The following NUP160 variants were observed in gnomAD, a reference collection of about 807,000 sequenced individuals.
NUP160 encodes the protein nucleoporin 160, also known as nuclear pore complex protein Nup160.
In NUP160, 94 loss-of-function variants were observed where a neutral mutation model predicts 196.9. The observed-to-expected ratio is 0.48, with a 90% confidence interval of 0.40 to 0.57. The LOEUF (loss-of-function observed/expected upper bound fraction) is 0.57. Ranked by LOEUF, NUP160 falls within the 20% of genes least tolerant of loss-of-function variation. NUP160 has a pLI of 0.00. For synonymous variants in NUP160, 605 were observed against 619.7 expected, an observed-to-expected ratio of 0.98 and a Z score of 0.35; for missense variants, 1,638 against 1,748.3, an observed-to-expected ratio of 0.94 and a Z score of 1.13.
chr11:47,807,491 C>T (rs147983324), intron 18 of NUP160, among the ~76,000 whole-genome samples: 290 of 151,986 alleles, frequency 1.9e-3, no homozygotes, highest in South Asian at 3.8e-3. Context: ...CATGGTGAAA[C>T]GCCACCTCTA....
At chr11:47,830,889 C>G (rs991663497) in intron 7 of NUP160, among the ~76,000 whole-genome samples, 1 of 151,846 alleles carries the variant, frequency 6.6e-6, no homozygotes, top group Non-Finnish European at 1.5e-5. Flanking sequence ...AGCAGCCGAG[C>G]GTGGTGGCTC....
intron 13 of NUP160, 124 bp from the exon 14 acceptor site, chr11:47,813,539 G>A (rs1427343199): frequency 3.2e-6 from 2 of 628,832 alleles, no homozygotes; most frequent in Admixed American, 2.5e-5. Flanking sequence ...AATAATAGGT[G>A]TAAGTCTTGG....
chr11:47,833,646 A>T (rs545627677), intron 7 of NUP160, among the ~76,000 whole-genome samples: 1 of 152,298 alleles, frequency 6.6e-6, no homozygotes, highest in Admixed American at 6.5e-5. Flanking sequence ...AATATCATCA[A>T]TGATAATAGT....
At chr11:47,808,959 G>A (rs1565196357) in intron 17 of NUP160, among the ~76,000 whole-genome samples, 1 of 152,036 alleles carries the variant, frequency 6.6e-6, no homozygotes, top group Admixed American at 6.6e-5. Context: ...AAATTAGCCA[G>A]GCATGGTGGT....
chr11:47,827,332 C>CCAA (rs1274458232), intron 7 of NUP160: 2 of 319,052 alleles, frequency 6.3e-6, no homozygotes, highest in African/African-American at 4.5e-5. Context: ...CCACTGCACT[C>CCAA]CAACTTGGGT....
intron 35 of NUP160, 57 bp downstream of exon 35, chr11:47,780,286 G>A: frequency 4.3e-6 from 5 of 1,160,062 alleles, no homozygotes; most frequent in South Asian, 3.7e-5. Flanking sequence ...CAAGCTGTAA[G>A]GTGTAACTGC....
exon 13 of NUP160, chr11:47,815,567 G>A (rs1343610964): frequency 6.2e-7 from 1 of 1,613,234 alleles, no homozygotes; most frequent in Non-Finnish European, 8.5e-7. Flanking sequence ...AAGACAACAG[G>A]CATAGAACTT....
rs551485433 is a variant in NUP160, at chr11:47,811,419, G to T, written c.2241+645C>A. 3.8e-4 allele frequency among the ~76,000 whole-genome samples: 58 copies of T among 151,192 alleles called. 3 individuals carry two copies. In the South Asian group the frequency reaches 0.012, roughly 31 times the overall value. ...AGCTACTCAGGAGGCTGAGGCAGGA[G>T]AATTGCTTGAGCTGAGATAAGGCCA... On this transcript the variant is annotated intron_variant, in intron 17 of 35. Coordinates refer to ENST00000378460, the Ensembl canonical transcript of NUP160.
intron 28 of NUP160, chr11:47,792,507 A>G (rs763079017): frequency 3.2e-6 from 1 of 312,486 alleles, no homozygotes; most frequent in Non-Finnish European, 5.9e-6. Context: ...TTTATGCCAG[A>G]GAATGACAAA....
intron 4 of NUP160, among the ~76,000 whole-genome samples, chr11:47,839,003 CA>C (rs147260240): frequency 5.1e-4 from 62 of 120,778 alleles, no homozygotes; most frequent in Middle Eastern, 8.7e-3. Context: ...AATCCCATCT[CA>C]AAAAAAAAAA....
chr11:47,779,853 G>C (rs759723385), intron 35 of NUP160, among the ~76,000 whole-genome samples: 1 of 152,022 alleles, frequency 6.6e-6, no homozygotes, highest in Non-Finnish European at 1.5e-5. Context: ...TCAGCCTCCC[G>C]AGTAGCTGGG....
chr11:47,801,013 A>T (rs1434845303), intron 23 of NUP160, among the ~76,000 whole-genome samples: 1 of 152,210 alleles, frequency 6.6e-6, no homozygotes, highest in Non-Finnish European at 1.5e-5. Context: ...AAAGGCCCTA[A>T]GAGAATAGAG....
At chr11:47,793,743 T>G (rs868142007) in intron 27 of NUP160, among the ~76,000 whole-genome samples, 36,603 of 133,492 alleles carry the variant, frequency 0.27, 6,122 homozygotes, top group Admixed American at 0.36. Context: ...TTTTTTTTTT[T>G]TTTTTTTTTT....
At chr11:47,831,164 A>G (rs1852066068) in intron 7 of NUP160, among the ~76,000 whole-genome samples, 1 of 151,636 alleles carries the variant, frequency 6.6e-6, no homozygotes, top group African/African-American at 2.4e-5. Flanking sequence ...TTCCATCTCA[A>G]CAACAACAAC....
chr11:47,848,461 C>G lies in NUP160; in HGVS notation c.-41G>C, dbSNP rs1327247202. The G allele has an allele frequency of 3.5e-6, 5 of 1,446,656 alleles. No individual in the cohort carries two copies. The East Asian group carries it at 1.2e-4, about 36-fold the overall frequency. The allele number at this position is 1,446,656 out of a possible 1,614,324, so 89.6% of individuals were successfully genotyped here. A position where few individuals can be genotyped will look rare whatever the true frequency, so the allele number is the denominator to read the frequency against. On this transcript the variant is annotated 5_prime_UTR_variant, in exon 1 of 36. Transcript: ENST00000378460. ...GCGGCTCCGGCCCTTCGTTGCGAGGCTTCCACCGGGAGAATGAGGGTGGGC... is the reference window on the plus strand; with the variant it reads ...GCGGCTCCGGCCCTTCGTTGCGAGGGTTCCACCGGGAGAATGAGGGTGGGC...
intron 10 of NUP160, 100 bp downstream of exon 10, chr11:47,819,274 C>G: frequency 1.2e-6 from 1 of 821,122 alleles, no homozygotes; most frequent in Non-Finnish European, 2.0e-6. Context: ...GATCATGCCA[C>G]TGTACCCCAG....
rs1396286708 is a variant in NUP160, at chr11:47,793,742, T to G, written c.3290-796A>C. On this transcript the variant is annotated intron_variant, in intron 27 of 35. Coordinates refer to ENST00000378460, the Ensembl canonical transcript of NUP160. Reference sequence around the variant, plus strand: ...TATCTGTTTTTTTTTTTTTTTTTTTTTTTTTTTTTTTTTTTGAGACGGAGT... The same window carrying G: ...TATCTGTTTTTTTTTTTTTTTTTTTGTTTTTTTTTTTTTTTGAGACGGAGT... 8.9e-4 allele frequency among the ~76,000 whole-genome samples: 124 copies of G among 138,982 alleles called. 1 individual carries two copies. The highest frequency in any genetic ancestry group is 9.7e-4 in the Non-Finnish European group (63 of 64,878). 91.2% of individuals were successfully genotyped at this position (138,982 alleles called of 152,430 possible).
At chr11:47,799,091 T>C (rs957944754) in intron 23 of NUP160, among the ~76,000 whole-genome samples, 9 of 151,828 alleles carry the variant, frequency 5.9e-5, no homozygotes, top group African/African-American at 1.9e-4. Context: ...ATGACTGACA[T>C]AATCCTTTTT....
chr11:47,781,765 G>GTACA (rs2097660991), intron 34 of NUP160, among the ~76,000 whole-genome samples: 1 of 151,980 alleles, frequency 6.6e-6, no homozygotes, highest in South Asian at 2.1e-4. Context: ...CACAGTCCCG[G>GTACA]CACACACACA....
Sources: gnomAD v4.1 joint callset for allele counts (sites outside exome capture counted in the v4.1 genomes callset) on GRCh38, gnomAD v4.1.1 for gene constraint, MANE v1.5 for transcripts, NCBI Gene and HGNC (gene_info 2026-07-23, HGNC 2026-07-21) for gene names.